SLC35E4: variants seen among roughly 807,000 people sequenced by gnomAD.
SLC35E4 encodes the protein solute carrier family 35, member E4.
In SLC35E4, 15 loss-of-function variants were observed where a neutral mutation model predicts 19.3. The ratio of observed to expected loss-of-function variants is 0.78; its 90% CI spans 0.52 to 1.20. SLC35E4 has a LOEUF of 1.20. Ranked by LOEUF, SLC35E4 falls within the 50% of genes most tolerant of loss-of-function variation. The pLI is 0.00. For missense variants in SLC35E4, 406 were observed against 472.3 expected (o/e 0.86, Z 1.30); for synonymous variants, 219 against 219.9 (o/e 1.00, Z 0.04).
At chr22:30,657,721 G>C (rs1023230204) in intron 2 of SLC35E4, among the ~76,000 whole-genome samples, 1 of 150,940 alleles carries the variant, frequency 6.6e-6, no homozygotes, top group Non-Finnish European at 1.5e-5. Flanking sequence ...TGGCTAACAC[G>C]GTGAAACCCC....
downstream of SLC35E4, chr22:30,649,349 GGAGC>G (rs2088177102): frequency 1.5e-6 from 1 of 685,864 alleles, no homozygotes; most frequent in Non-Finnish European, 2.7e-6. Flanking sequence ...GTGAGGACTA[GGAGC>G]TAGACCAGGC....
At chr22:30,648,313 C>T (rs1240039300), downstream of SLC35E4, among the ~76,000 whole-genome samples, 1 of 152,154 alleles carries the variant, frequency 6.6e-6, no homozygotes, top group Non-Finnish European at 1.5e-5. Context: ...TCTTTCAGTT[C>T]CCCGTGATAC....
intron 1 of SLC35E4, among the ~76,000 whole-genome samples, chr22:30,639,828 T>G (rs2145576690): frequency 6.6e-6 from 1 of 152,320 alleles, no homozygotes; most frequent in East Asian, 1.9e-4. Flanking sequence ...ACACATGCTC[T>G]ACAATTTGTG....
At chr22:30,658,054 C>T (rs956413386) in intron 2 of SLC35E4, among the ~76,000 whole-genome samples, 31 of 151,360 alleles carry the variant, frequency 2.0e-4, no homozygotes, top group Admixed American at 6.6e-4. Context: ...CTGCAGTGGG[C>T]GGTGATCACA....
chr22:30,657,274 AAAAC>A (rs752283558), intron 2 of SLC35E4, among the ~76,000 whole-genome samples: 2,006 of 51,042 alleles, frequency 0.039, 21 homozygotes, highest in East Asian at 0.082. Context: ...GTCTCTACTA[AAAAC>A]ACACACACAC....
At chr22:30,648,352 T>C (rs2088166135), downstream of SLC35E4, among the ~76,000 whole-genome samples, 5 of 152,028 alleles carry the variant, frequency 3.3e-5, no homozygotes, top group Admixed American at 2.0e-4. Context: ...CCTTTGTACA[T>C]GCTGTTCCCT....
intron 1 of SLC35E4, among the ~76,000 whole-genome samples, chr22:30,646,082 A>G (rs534229692): frequency 1.8e-4 from 27 of 152,292 alleles, no homozygotes; most frequent in African/African-American, 5.3e-4. Flanking sequence ...TGCTGGGATT[A>G]CAGGCATGAG....
At chr22:30,639,221 CCT>C in intron 1 of SLC35E4, among the ~76,000 whole-genome samples, 1 of 152,076 alleles carries the variant, frequency 6.6e-6, no homozygotes, top group East Asian at 1.9e-4. Context: ...CGTGATGCCC[CCT>C]GAGCCATAAA....
In SLC35E4 at chr22:30,647,133, C is replaced by T; in HGVS notation, c.*102C>T. ...GAGAACAGGGCTGGGCATGGTGGCT[C>T]ACGCCTATAATCCCAGCACTTCCAG... is the stretch of plus-strand genomic sequence containing the variant. On this transcript the variant is annotated 3_prime_UTR_variant, in exon 2 of 2. Coordinates refer to ENST00000343605, the MANE Select transcript of SLC35E4 (RefSeq NM_001001479.4). The T allele has an allele frequency of 7.4e-7, 1 of 1,358,898 alleles. No homozygotes were observed. Among genetic ancestry groups the T allele is most frequent in the South Asian group, 1.5e-5 (1 of 67,844 alleles). The allele number at this position is 1,358,898 out of a possible 1,614,324, so 84.2% of individuals were successfully genotyped here.
At position 30,637,019 on chromosome 22, in the gene SLC35E4, G is replaced by A; in HGVS notation, c.569G>A (p.Gly190Asp). The A allele has an allele frequency of 5.0e-6, 8 of 1,595,802 alleles. No individual in the cohort carries two copies. Among genetic ancestry groups the A allele is most frequent in the Non-Finnish European group, 6.8e-6 (8 of 1,167,936 alleles). Residue 190 changes from glycine to aspartate, a missense_variant, in exon 1 of 2, where the codon GGC (glycine) becomes GAC (aspartate). Physicochemically the swap from Gly to Asp is moderately conservative, Grantham distance 94. Coordinates refer to ENST00000343605, the MANE Select transcript of SLC35E4 (RefSeq NM_001001479.4). Reference protein sequence around the residue: ...GEFRTPPTGCGFLLAATCLRG... With the variant: ...GEFRTPPTGCDFLLAATCLRG... Reference sequence around the variant, plus strand: ...TTCCGGACACCCCCTACCGGCTGTGGCTTCCTGCTCGCAGCCACCTGCCTC... The same window carrying A: ...TTCCGGACACCCCCTACCGGCTGTGACTTCCTGCTCGCAGCCACCTGCCTC...
rs1038394812 is a variant in SLC35E4, at chr22:30,636,268, C to A, written c.-183C>A. 2.2e-6 allele frequency: 2 copies of A among 898,992 alleles called. No individual in the cohort carries two copies. Among genetic ancestry groups the A allele is most frequent in the African/African-American group, 1.7e-5 (1 of 59,166 alleles). The allele number at this position is 898,992 out of a possible 1,614,324, so 55.7% of individuals were successfully genotyped here. A position where few individuals can be genotyped will look rare whatever the true frequency, so the allele number is the denominator to read the frequency against. On this transcript the variant is annotated 5_prime_UTR_variant, in exon 1 of 2. Transcript: ENST00000343605. ...GGCTCTGCCCTGTCTGAGCTGGAAACACAGCTTAGCTTCTAGACATCGCTG... is the reference window on the plus strand; with the variant it reads ...GGCTCTGCCCTGTCTGAGCTGGAAAAACAGCTTAGCTTCTAGACATCGCTG...
chr22:30,656,241 G>A (rs2088336232), intron 2 of SLC35E4, among the ~76,000 whole-genome samples: 1 of 151,926 alleles, frequency 6.6e-6, no homozygotes, highest in South Asian at 2.1e-4. Flanking sequence ...CCACCCAAAG[G>A]GCTGGGATTA....
downstream of SLC35E4, chr22:30,663,515 A>G: frequency 6.2e-7 from 1 of 1,614,194 alleles, no homozygotes; most frequent in Non-Finnish European, 8.5e-7. Context: ...CCATGTGCAC[A>G]GTGTTCTTGC....
intron 2 of SLC35E4, among the ~76,000 whole-genome samples, chr22:30,655,365 G>C (rs1190743945): frequency 1.3e-5 from 2 of 149,230 alleles, no homozygotes; most frequent in African/African-American, 5.0e-5. Context: ...GCTGAGATGG[G>C]AGGCTGCAGT....
downstream of SLC35E4, chr22:30,668,054 T>G (rs531360059): frequency 6.2e-6 from 1 of 160,392 alleles, no homozygotes; most frequent in South Asian, 2.1e-4. Flanking sequence ...CCGGCCTCCG[T>G]GCGCCCAACG....
intron 1 of SLC35E4, among the ~76,000 whole-genome samples, chr22:30,641,895 T>C (rs2088047433): frequency 6.6e-6 from 1 of 152,008 alleles, no homozygotes; most frequent in Admixed American, 6.6e-5. Flanking sequence ...GCTGATCTCA[T>C]AGACTGGTTG....
rs776763431 is a variant in SLC35E4 at position 30,636,931 on chromosome 22, C to T, written c.481C>T (p.Pro161Ser). 7 of 1,612,216 alleles carry T rather than the reference C, an allele frequency of 4.3e-6. No individual in the cohort carries two copies. Among genetic ancestry groups the T allele is most frequent in the Non-Finnish European group, 5.9e-6 (7 of 1,179,340 alleles). Residue 161 changes from proline to serine, a missense_variant, in exon 1 of 2, where the codon CCA becomes TCA. Coordinates refer to ENST00000343605, the MANE Select transcript of SLC35E4 (RefSeq NM_001001479.4). Reference protein sequence around the residue: ...SALLLGRRHHPLQLAAMGPLC... With the variant: ...SALLLGRRHHSLQLAAMGPLC... ...GCTGCTGCTGGGCCGCCGCCACCAC[C>T]CACTTCAGTTGGCCGCCATGGGTCC...
In SLC35E4 at chr22:30,636,531, G is replaced by T; in HGVS notation, c.81G>T (p.Ala27=). ...GAGCAGCAGCTGGTGGTGCTCAGGC[G>T]GCTGGGCCCCCCGAGTGGCCCCCTG... ...EVGAAAGGAQ[A]AGPPEWPPGS... Residue 27 remains alanine, a synonymous_variant, in exon 1 of 2, where the codon GCG becomes GCT. Transcript: ENST00000343605. 6.4e-7 allele frequency: 1 copy of T among 1,554,766 alleles called. No homozygotes were observed. The highest frequency in any genetic ancestry group is 2.4e-5 in the East Asian group (1 of 41,198).
intron 1 of SLC35E4, among the ~76,000 whole-genome samples, chr22:30,641,389 G>A (rs2088033902): frequency 6.6e-6 from 1 of 152,154 alleles, no homozygotes; most frequent in South Asian, 2.1e-4. Flanking sequence ...GGTATCCTCT[G>A]CTCCCCCTAT....
Sources: gnomAD v4.1 joint callset for allele counts (sites outside exome capture counted in the v4.1 genomes callset) on GRCh38, gnomAD v4.1.1 for gene constraint, MANE v1.5 for transcripts, NCBI Gene and HGNC (gene_info 2026-07-23, HGNC 2026-07-21) for gene names.